IL1RN: variants seen among roughly 807,000 people sequenced by gnomAD.
IL1RN encodes the protein interleukin 1 receptor antagonist, also known as interleukin-1 receptor antagonist protein.
In IL1RN, 10 loss-of-function variants were observed where a neutral mutation model predicts 13.7. The observed-to-expected ratio is 0.73, with a 90% CI of 0.45 to 1.24. IL1RN has a LOEUF of 1.24. Among genes scored for constraint, IL1RN ranks in the 50% most tolerant of loss-of-function variants. The probability of loss-of-function intolerance (pLI) is 0.00; values close to 1 mark genes in which losing one functional copy is unlikely to be tolerated. For missense variants in IL1RN, 213 were observed against 222.1 expected, an observed-to-expected ratio of 0.96 and a Z score of 0.26; for synonymous variants, 102 against 82.7, an observed-to-expected ratio of 1.23 and a Z score of -1.27.
intron 1 of IL1RN, among the ~76,000 whole-genome samples, chr2:113,118,961 C>A (rs920965890): frequency 6.6e-6 from 1 of 152,044 alleles, no homozygotes; most frequent in African/African-American, 2.4e-5. Flanking sequence ...TGCTGGAACC[C>A]GGGAGGTAGA....
chr2:113,107,675 G>C (rs1250107554), upstream of IL1RN, among the ~76,000 whole-genome samples: 1 of 152,190 alleles, frequency 6.6e-6, no homozygotes. Flanking sequence ...AGAGGTTGCA[G>C]TGAGCTGAGA....
chr2:113,121,383 G>A, intron 2 of IL1RN: 1 of 853,518 alleles, frequency 1.2e-6, no homozygotes, highest in Non-Finnish European at 1.4e-6. Context: ...AACTATAACA[G>A]GTAAGCAACA....
chr2:113,116,988 C>T (rs1035139991), upstream of IL1RN, among the ~76,000 whole-genome samples: 4 of 152,222 alleles, frequency 2.6e-5, no homozygotes, highest in Admixed American at 1.3e-4. Context: ...GGACTAGACC[C>T]GGGACTTCGT....
chr2:113,121,516 T>A, intron 2 of IL1RN: 3 of 985,418 alleles, frequency 3.0e-6, no homozygotes, highest in Non-Finnish European at 3.6e-6. Context: ...AAACACAAGA[T>A]AACTGCATAA....
At chr2:113,110,673 CCTT>C (rs1686479934), upstream of IL1RN, among the ~76,000 whole-genome samples, 1 of 152,236 alleles carries the variant, frequency 6.6e-6, no homozygotes, top group South Asian at 2.1e-4. Flanking sequence ...TACCACTACT[CCTT>C]CTCTTTGAAC....
chr2:113,100,926 G>C, the IL1RN span, among the ~76,000 whole-genome samples: 1 of 152,152 alleles, frequency 6.6e-6, no homozygotes, highest in African/African-American at 2.4e-5. Flanking sequence ...ATGAATAAGA[G>C]AAAAACAAGC....
At chr2:113,104,165 G>A (rs1262286920), upstream of IL1RN, among the ~76,000 whole-genome samples, 4 of 152,132 alleles carry the variant, frequency 2.6e-5, no homozygotes, top group Admixed American at 2.0e-4. Flanking sequence ...AGAAATGTCT[G>A]GAGTCTTAGT....
chr2:113,109,763 CA>C (rs55942804), upstream of IL1RN, among the ~76,000 whole-genome samples: 2,822 of 136,746 alleles, frequency 0.021, 79 homozygotes, highest in African/African-American at 0.065. Flanking sequence ...ATTATGACTG[CA>C]AAAAAAAAAA....
Position 113,129,667 on chromosome 2 carries a change from G to T in IL1RN, c.205+3G>T. On this transcript the variant is annotated splice_donor_region_variant and intron_variant, in intron 2 of 3. Transcript: ENST00000409930. ...AGGACCAAATGTCAATTTAGAAGGT[G>T]AGTGGTTGCCAGGAAAGCCAATGTA... 6.2e-7 allele frequency: 1 copy of T among 1,603,500 alleles called. No individual in the cohort carries two copies. The highest frequency in any genetic ancestry group is 1.1e-5 in the South Asian group (1 of 90,850).
intron 1 of IL1RN, 60 bp from the exon 2 acceptor site, chr2:113,129,516 C>T (rs1202912938): frequency 5.1e-5 from 55 of 1,073,816 alleles, no homozygotes; most frequent in Non-Finnish European, 8.0e-5. Context: ...AGGAAGGTGC[C>T]AAGCACAAGG....
In IL1RN at chr2:113,127,701, G is replaced by A. The variant is rs758363942; in HGVS notation, c.77G>A (p.Arg26Gln). The A allele has an allele frequency of 1.1e-5, 17 of 1,613,930 alleles. No individual in the cohort carries two copies. The highest frequency in any genetic ancestry group is 1.3e-5 in the Non-Finnish European group (15 of 1,180,010). ...LFLFHSETICRPSGRKSSKMQ... is the reference protein window; with the variant it reads ...LFLFHSETICQPSGRKSSKMQ... ...CTGTTCCATTCAGAGACGATCTGCC[G>A]ACCCTCTGGGAGAAAATCCAGCAAG... Residue 26 changes from arginine (R) to glutamine (Q), a missense_variant, in exon 1 of 4, where the codon CGA becomes CAA. By Grantham distance (43) the Arg-to-Gln change is conservative. Transcript: ENST00000409930.
At chr2:113,109,711 T>C (rs55709272), upstream of IL1RN, among the ~76,000 whole-genome samples, 62,840 of 150,990 alleles carry the variant, frequency 0.42, 13,701 homozygotes, top group Middle Eastern at 0.56. Flanking sequence ...AACATAGTGA[T>C]GAAGCACTTA....
Position 113,132,911 on chromosome 2 carries a change from G to C in IL1RN, c.*40G>C. 6.3e-7 allele frequency: 1 copy of C among 1,577,182 alleles called. No individual in the cohort carries two copies. The highest frequency in any genetic ancestry group is 8.7e-7 in the Non-Finnish European group (1 of 1,146,706). On this transcript the variant is annotated 3_prime_UTR_variant, in exon 4 of 4. Transcript: ENST00000409930. ...GCCTGTTCCCATTCTTGCATGGCAA[G>C]GACTGCAGGGACTGCCAGTCCCCCT...
chr2:113,129,696 G>A lies in IL1RN; in HGVS notation c.205+32G>A, dbSNP rs446433. On this transcript the variant is annotated intron_variant, in intron 2 of 3. Transcript: ENST00000409930. Reference sequence around the variant, plus strand: ...GGTTGCCAGGAAAGCCAATGTATGTGGGCATCACGTCACTTTGCCCGTCTG... The same window carrying A: ...GGTTGCCAGGAAAGCCAATGTATGTAGGCATCACGTCACTTTGCCCGTCTG... The A allele has an allele frequency of 0.25, 351,662 of 1,386,794 alleles. 47,581 individuals carry two copies. The highest frequency in any genetic ancestry group is 0.31 in the Admixed American group (18,413 of 59,702). 85.9% of individuals were successfully genotyped at this position (1,386,794 alleles called of 1,614,324 possible). A position where few individuals can be genotyped will look rare whatever the true frequency, so the allele number is the denominator to read the frequency against.
chr2:113,117,757 C>T (rs190133729), upstream of IL1RN: 15 of 590,492 alleles, frequency 2.5e-5, no homozygotes, highest in African/African-American at 2.6e-4. Context: ...CTGAGTCACC[C>T]TCCTGGAAAC....
chr2:113,114,561 G>A (rs373395552), upstream of IL1RN, among the ~76,000 whole-genome samples: 6 of 152,264 alleles, frequency 3.9e-5, no homozygotes, highest in South Asian at 6.2e-4. Flanking sequence ...CACATTTGAT[G>A]TGACTTGGAA....
chr2:113,127,648 C>T lies in IL1RN; in HGVS notation c.24C>T (p.Arg8=). 5 of 1,614,140 alleles carry T rather than the reference C, an allele frequency of 3.1e-6. No homozygotes were observed. The highest frequency in any genetic ancestry group is 4.2e-6 in the Non-Finnish European group (5 of 1,180,016). The stretch of plus-strand genomic sequence containing the variant: ...GAATGGAAATCTGCAGAGGCCTCCG[C>T]AGTCACCTAATCACTCTCCTCCTCT... The part of the protein sequence containing the change: MEICRGL[R]SHLITLLLFL... The change falls in exon 1 of 4, where the codon CGC becomes CGT. Residue 8 remains arginine (R), a synonymous_variant. Coordinates refer to ENST00000409930, the MANE Select transcript of IL1RN (RefSeq NM_173842.3).
chr2:113,125,013 T>G (rs188787106), upstream of IL1RN, among the ~76,000 whole-genome samples: 10 of 152,240 alleles, frequency 6.6e-5, no homozygotes, highest in East Asian at 1.7e-3. Context: ...GCTTTTTACT[T>G]GAAACGCTGT....
intron 3 of IL1RN, 128 bp downstream of exon 3, chr2:113,131,285 G>C: frequency 2.8e-6 from 2 of 712,316 alleles, no homozygotes; most frequent in Non-Finnish European, 2.6e-6. Context: ...GGTGGAACAT[G>C]CTGGGGTCAC....
Sources: gnomAD v4.1 joint callset for allele counts (sites outside exome capture counted in the v4.1 genomes callset) on GRCh38, gnomAD v4.1.1 for gene constraint, MANE v1.5 for transcripts, NCBI Gene and HGNC (gene_info 2026-07-23, HGNC 2026-07-21) for gene names.